EMID1: variants seen among roughly 807,000 people sequenced by gnomAD.
EMID1 encodes EMI domain containing 1.
In EMID1, 40 loss-of-function variants were observed where a neutral mutation model predicts 60.6. The ratio of observed to expected loss-of-function variants is 0.66; its 90% confidence interval spans 0.51 to 0.86. The LOEUF is 0.86. Ranked by LOEUF, EMID1 falls within the 40% of genes least tolerant of loss-of-function variation. The probability of loss-of-function intolerance (pLI) is 0.00; values close to 1 mark genes in which losing one functional copy is unlikely to be tolerated. For missense variants in EMID1, 585 were observed against 597.1 expected (o/e 0.98, Z 0.21); for synonymous variants, 242 against 231.0 (o/e 1.05, Z -0.43).
chr22:29,242,138 C>T (rs1026147729), intron 12 of EMID1, among the ~76,000 whole-genome samples: 3 of 151,936 alleles, frequency 2.0e-5, no homozygotes, highest in Non-Finnish European at 4.4e-5. Context: ...CAGGTTGGCC[C>T]CAAACTCCTG....
intron 12 of EMID1, among the ~76,000 whole-genome samples, chr22:29,239,665 C>T (rs1437258149): frequency 6.6e-6 from 1 of 151,984 alleles, no homozygotes; most frequent in East Asian, 1.9e-4. Flanking sequence ...ACATAATGTA[C>T]TGTGCAAAAG....
chr22:29,215,092 G>T, intron 2 of EMID1, 53 bp downstream of exon 2: 1 of 1,489,890 alleles, frequency 6.7e-7, no homozygotes, highest in South Asian at 1.3e-5. Flanking sequence ...GCACAGTTTG[G>T]GCAAAGGCCT....
At chr22:29,247,076 T>C (rs2041353702) in intron 13 of EMID1, among the ~76,000 whole-genome samples, 1 of 152,060 alleles carries the variant, frequency 6.6e-6, no homozygotes, top group Non-Finnish European at 1.5e-5. Flanking sequence ...CCTCCTGGGT[T>C]CAAGCAATTC....
At chr22:29,251,278 C>T (rs928871132) in intron 13 of EMID1, among the ~76,000 whole-genome samples, 1 of 151,060 alleles carries the variant, frequency 6.6e-6, no homozygotes. Flanking sequence ...GATGGGGTTT[C>T]GTCATGTGGG....
At chr22:29,234,060 C>T in intron 10 of EMID1, 77 bp from the exon 11 acceptor site, 1 of 1,524,536 alleles carries the variant, frequency 6.6e-7, no homozygotes, top group Non-Finnish European at 8.9e-7. Context: ...AGCGCCCTCC[C>T]CAACACCTCT....
intron 1 of EMID1, among the ~76,000 whole-genome samples, chr22:29,210,062 G>A (rs902977503): frequency 8.6e-5 from 13 of 151,956 alleles, no homozygotes; most frequent in African/African-American, 3.1e-4. Flanking sequence ...TCCTCAAGGT[G>A]GGGGATGGGG....
At chr22:29,206,244 C>A in intron 1 of EMID1, 105 bp downstream of exon 1, 1 of 912,436 alleles carries the variant, frequency 1.1e-6, no homozygotes, top group Non-Finnish European at 1.4e-6. Context: ...CAGTCCCCAG[C>A]CCGGGTGAGG....
At chr22:29,247,131 T>C (rs2041179493) in intron 13 of EMID1, among the ~76,000 whole-genome samples, 1 of 152,056 alleles carries the variant, frequency 6.6e-6, no homozygotes. Flanking sequence ...TAGCCATGCC[T>C]GGCTAATTTT....
At chr22:29,209,182 A>G (rs1209307455) in intron 1 of EMID1, among the ~76,000 whole-genome samples, 1 of 152,138 alleles carries the variant, frequency 6.6e-6, no homozygotes, top group Non-Finnish European at 1.5e-5. Context: ...CTACAGAGAC[A>G]AAGTCCCCTG....
At position 29,233,461 on chromosome 22, in the gene EMID1, G is replaced by C. The variant is rs777212975; in HGVS notation, c.906G>C (p.Gly302=). ...QGPTGPPGPP[G]PMGPPGPPGP... is the part of the protein sequence containing the mutation. Reference sequence around the variant, plus strand: ...CCACTGGGCCTCCAGGCCCTCCAGGGCCCATGGGTAAGTTGAGTCCAGGCC... The same window carrying C: ...CCACTGGGCCTCCAGGCCCTCCAGGCCCCATGGGTAAGTTGAGTCCAGGCC... The change falls in exon 9 of 15, where the codon GGG becomes GGC. Residue 302 remains glycine (G), a synonymous_variant. Coordinates refer to ENST00000334018, the MANE Select transcript of EMID1 (RefSeq NM_133455.4). 4 of 1,614,130 alleles carry C rather than the reference G, an allele frequency of 2.5e-6. No individual in the cohort carries two copies. The highest frequency in any genetic ancestry group is 2.2e-5 in the East Asian group (1 of 44,890).
chr22:29,254,130 G>A, intron 13 of EMID1, 73 bp from the exon 14 acceptor site: 10 of 1,605,560 alleles, frequency 6.2e-6, no homozygotes, highest in Non-Finnish European at 8.5e-6. Context: ...GGTGGGGCAT[G>A]GGCCACCGAC....
chr22:29,258,892 A>G lies in EMID1; in HGVS notation c.1280A>G (p.His427Arg). ...PSLLRGKRGG[H>R]ATNYRIVAPR... The stretch of plus-strand genomic sequence containing the variant: ...CTCCTTCGGGGCAAGAGGGGCGGAC[A>G]TGCAACCAACTACCGGATCGTGGCC... Residue 427 changes from histidine to arginine, a missense_variant, in exon 15 of 15, where the codon CAT becomes CGT. Transcript: ENST00000334018. 9 of 1,613,392 alleles carry G rather than the reference A, an allele frequency of 5.6e-6. No individual in the cohort carries two copies. The highest frequency in any genetic ancestry group is 7.6e-6 in the Non-Finnish European group (9 of 1,179,764).
intron 3 of EMID1, among the ~76,000 whole-genome samples, chr22:29,215,851 A>G (rs2040062369): frequency 6.6e-6 from 1 of 152,154 alleles, no homozygotes; most frequent in Non-Finnish European, 1.5e-5. Flanking sequence ...CCCCAGAAGA[A>G]TTTTATATAT....
chr22:29,255,158 G>A (rs1488292890), intron 14 of EMID1: 1 of 637,146 alleles, frequency 1.6e-6, no homozygotes, highest in African/African-American at 1.8e-5. Context: ...CTCACTCCCA[G>A]GCTCCTGCCC....
chr22:29,233,906 T>C (rs1439512961), intron 10 of EMID1: 5 of 660,658 alleles, frequency 7.6e-6, no homozygotes, highest in African/African-American at 1.8e-5. Flanking sequence ...CCAAGAAAAG[T>C]AGAGATTCTT....
At chr22:29,215,763 T>C (rs1373448024) in intron 3 of EMID1, 133 bp downstream of exon 3, 2 of 710,218 alleles carry the variant, frequency 2.8e-6, no homozygotes, top group Non-Finnish European at 4.8e-6. Flanking sequence ...GCACAGAGCC[T>C]GGCTCAGACA....
chr22:29,250,759 T>TTTTTTTTTTTTTTC (rs2041499215), intron 13 of EMID1, among the ~76,000 whole-genome samples: 1 of 129,914 alleles, frequency 7.7e-6, no homozygotes, highest in Non-Finnish European at 1.6e-5. Flanking sequence ...TTTTTTTTTT[T>TTTTTTTTTTTTTTC]TTTTTTTTTA....
chr22:29,255,466 C>T, intron 14 of EMID1: 5 of 854,048 alleles, frequency 5.9e-6, no homozygotes, highest in Non-Finnish European at 8.4e-6. Flanking sequence ...GGCCAGCGGA[C>T]ACTCATTCTT....
At chr22:29,226,184 A>C (rs2040502822) in intron 4 of EMID1, among the ~76,000 whole-genome samples, 1 of 152,154 alleles carries the variant, frequency 6.6e-6, no homozygotes, top group South Asian at 2.1e-4. Flanking sequence ...CCCCCGCCCC[A>C]TTGCCATTTC....
Sources: gnomAD v4.1 joint callset for allele counts (sites outside exome capture counted in the v4.1 genomes callset) on GRCh38, gnomAD v4.1.1 for gene constraint, MANE v1.5 for transcripts, NCBI Gene and HGNC (gene_info 2026-07-23, HGNC 2026-07-21) for gene names.